ARID1B: variants seen among roughly 807,000 people sequenced by gnomAD.
ARID1B encodes AT-rich interactive domain-containing protein 1B.
In ARID1B, 30 loss-of-function variants were observed where a neutral mutation model predicts 212.3. That is an observed-to-expected ratio of 0.14 (90% CI 0.11 to 0.19). ARID1B has a LOEUF of 0.19. ARID1B is among the 10% of genes least tolerant of loss of function. The pLI is 1.00. For missense variants in ARID1B, 2,891 were observed against 3,204.0 expected (o/e 0.90, Z 2.36); for synonymous variants, 1,402 against 1,301.7 (o/e 1.08, Z -1.66).
chr6:156,935,491 C>G lies in ARID1B; in HGVS notation c.2162C>G (p.Thr721Ser), dbSNP rs2128274630. Residue 721 changes from threonine (T) to serine (S), a missense_variant, in exon 4 of 20, where the codon ACT (threonine) becomes AGT (serine). Thr to Ser is a moderately conservative substitution (Grantham distance 58). Around this residue, in one of 7 missense-constraint regions of ARID1B, gnomAD observed 1,643 missense variants for 1,544.0 expected, o/e 1.06. Transcript: ENST00000636930. ...QQDMSQEGYGTRSQPPLAPGK... is the reference protein window; with the variant it reads ...QQDMSQEGYGSRSQPPLAPGK... ...GACATGTCTCAGGAAGGCTATGGAA[C>G]TAGATCTCAACCTCCTCTGGCCCCC... The G allele has an allele frequency of 6.2e-7, 1 of 1,613,716 alleles. No homozygotes were observed. Among genetic ancestry groups the G allele is most frequent in the Non-Finnish European group, 8.5e-7 (1 of 1,179,726 alleles).
At chr6:157,204,373 T>A (rs1794306912) in intron 19 of ARID1B, 1 of 166,134 alleles carries the variant, frequency 6.0e-6, no homozygotes, top group Admixed American at 5.9e-5. Context: ...TTGGTTGCAA[T>A]GGGACATAAC....
Position 157,174,835 on chromosome 6 carries a change from C to A in ARID1B, c.3346-12C>A. On this transcript the variant is annotated splice_polypyrimidine_tract_variant and intron_variant, in intron 10 of 19. Coordinates refer to ENST00000636930, the MANE Select transcript of ARID1B (RefSeq NM_001374828.1). ...CTTTGTCATTTTTTTTTTTTTTATTCCTCTACCACAGGATAGCTACAGCTC... is the reference window on the plus strand; with the variant it reads ...CTTTGTCATTTTTTTTTTTTTTATTACTCTACCACAGGATAGCTACAGCTC... 1 of 1,444,412 alleles carries A rather than the reference C, an allele frequency of 6.9e-7. No individual in the cohort carries two copies. Among genetic ancestry groups the A allele is most frequent in the Non-Finnish European group, 9.1e-7 (1 of 1,097,682 alleles). The allele number at this position is 1,444,412 out of a possible 1,614,324, so 89.5% of individuals were successfully genotyped here.
intron 5 of ARID1B, among the ~76,000 whole-genome samples, chr6:157,086,819 T>TG (rs1203564997): frequency 6.6e-6 from 1 of 152,190 alleles, no homozygotes; most frequent in Non-Finnish European, 1.5e-5. Flanking sequence ...TCAGAGTCTG[T>TG]GGTTCAGTTG....
intron 15 of ARID1B, among the ~76,000 whole-genome samples, chr6:157,191,630 G>T (rs1001543261): frequency 2.0e-5 from 3 of 152,152 alleles, no homozygotes; most frequent in Admixed American, 6.6e-5. Flanking sequence ...GGCTGTGACT[G>T]TCTGAGCCAC....
chr6:157,051,029 C>T (rs926161773), intron 4 of ARID1B, among the ~76,000 whole-genome samples: 1 of 152,222 alleles, frequency 6.6e-6, no homozygotes, highest in Admixed American at 6.5e-5. Flanking sequence ...TGAACTGCCA[C>T]TCAGTTTTTA....
intron 4 of ARID1B, among the ~76,000 whole-genome samples, chr6:157,084,418 G>A (rs1481475279): frequency 6.6e-6 from 1 of 152,080 alleles, no homozygotes; most frequent in African/African-American, 2.4e-5. Context: ...AACTGTATGG[G>A]GATGGTTTTA....
intron 1 of ARID1B, 25 bp downstream of exon 1, chr6:156,779,496 G>A (rs1779036232): frequency 2.3e-6 from 3 of 1,319,424 alleles, no homozygotes; most frequent in Admixed American, 3.2e-5. Flanking sequence ...AGCCGGGCCT[G>A]CTTCCGCCCG....
chr6:157,053,128 C>T (rs1273312315), intron 4 of ARID1B, among the ~76,000 whole-genome samples: 1 of 151,934 alleles, frequency 6.6e-6, no homozygotes, highest in Non-Finnish European at 1.5e-5. Flanking sequence ...CTCTGTAGCC[C>T]AAGCTGGAGT....
At chr6:156,967,474 T>C (rs1794848098) in intron 4 of ARID1B, among the ~76,000 whole-genome samples, 1 of 152,220 alleles carries the variant, frequency 6.6e-6, no homozygotes, top group African/African-American at 2.4e-5. Flanking sequence ...GATGCTTTTG[T>C]CTTTTGACTG....
chr6:156,870,832 T>C (rs1300737410), intron 2 of ARID1B, among the ~76,000 whole-genome samples: 1 of 152,220 alleles, frequency 6.6e-6, no homozygotes, highest in Non-Finnish European at 1.5e-5. Context: ...GACATTGGAC[T>C]CTAGACTCAG....
At chr6:157,183,136 T>G (rs1314502440) in intron 12 of ARID1B, among the ~76,000 whole-genome samples, 1 of 152,128 alleles carries the variant, frequency 6.6e-6, no homozygotes, top group Non-Finnish European at 1.5e-5. Flanking sequence ...CAGATGTGGT[T>G]GGGAGCAGGT....
chr6:156,928,167 G>T (rs544644062), intron 3 of ARID1B, among the ~76,000 whole-genome samples: 1 of 152,168 alleles, frequency 6.6e-6, no homozygotes, highest in Non-Finnish European at 1.5e-5. Flanking sequence ...CCTGGTGGCC[G>T]GAGGGTGCCT....
chr6:156,977,567 G>A (rs1486577134), intron 4 of ARID1B, among the ~76,000 whole-genome samples: 1 of 151,944 alleles, frequency 6.6e-6, no homozygotes, highest in Non-Finnish European at 1.5e-5. Flanking sequence ...TATATTTTTT[G>A]AACATGTGGA....
chr6:157,099,822 AGGTATAT>A (rs895097889), intron 5 of ARID1B, among the ~76,000 whole-genome samples: 2 of 152,200 alleles, frequency 1.3e-5, no homozygotes, highest in African/African-American at 4.8e-5. Flanking sequence ...TTTAGAATAA[AGGTATAT>A]GGCCCTGTGA....
At chr6:156,911,516 C>G (rs1357680265) in intron 3 of ARID1B, among the ~76,000 whole-genome samples, 1 of 152,016 alleles carries the variant, frequency 6.6e-6, no homozygotes, top group Non-Finnish European at 1.5e-5. Flanking sequence ...GTCCTTGTGA[C>G]AACTAACTAC....
At chr6:157,062,768 A>G (rs1046521951) in intron 4 of ARID1B, among the ~76,000 whole-genome samples, 1 of 149,808 alleles carries the variant, frequency 6.7e-6, no homozygotes, top group Non-Finnish European at 1.5e-5. Context: ...CAATGACGCG[A>G]TCTCAGCTCA....
intron 9 of ARID1B, chr6:157,167,591 G>T (rs1047409226): frequency 1.2e-5 from 2 of 160,218 alleles, no homozygotes; most frequent in Non-Finnish European, 2.7e-5. Context: ...AGGGGGGTTT[G>T]AAGTACTTTT....
chr6:156,919,920 T>C (rs1790646816), intron 3 of ARID1B, among the ~76,000 whole-genome samples: 1 of 152,222 alleles, frequency 6.6e-6, no homozygotes, highest in Non-Finnish European at 1.5e-5. Context: ...AAAGAGCAAT[T>C]AAGCTTCACC....
intron 2 of ARID1B, among the ~76,000 whole-genome samples, chr6:156,872,408 G>A (rs1709064): frequency 1.5e-3 from 230 of 152,226 alleles, no homozygotes; most frequent in Non-Finnish European, 2.8e-3. Flanking sequence ...TGCGAGCTCC[G>A]TCTCCCAGGT....
Sources: allele counts gnomAD v4.1 joint callset (sites outside exome capture counted in the v4.1 genomes callset), GRCh38; gene constraint gnomAD v4.1.1; regional missense constraint gnomAD v4.1.1; transcripts MANE v1.5; gene names NCBI Gene and HGNC (gene_info 2026-07-23, HGNC 2026-07-21).